CTNNA2: variants seen among roughly 807,000 people sequenced by gnomAD.
The protein encoded by CTNNA2 is catenin alpha 2.
Under a neutral mutation model 101.0 loss-of-function variants are expected in CTNNA2, and 42 were observed. The ratio of observed to expected loss-of-function variants is 0.42; its 90% CI spans 0.32 to 0.54. The LOEUF is 0.54. Among genes scored for constraint, CTNNA2 ranks in the 20% least tolerant of loss-of-function variants. CTNNA2 has a pLI of 0.14. For synonymous variants in CTNNA2, 450 were observed against 456.4 expected (o/e 0.99, Z 0.18); for missense variants, 871 against 1,223.1 (o/e 0.71, Z 4.29).
At chr2:80,249,486 A>G (rs1040333483) in intron 7 of CTNNA2, among the ~76,000 whole-genome samples, 1 of 152,234 alleles carries the variant, frequency 6.6e-6, no homozygotes, top group Non-Finnish European at 1.5e-5. Context: ...GTAACCACTT[A>G]TTGAGCATGT....
intron 7 of CTNNA2, among the ~76,000 whole-genome samples, chr2:80,042,113 C>T (rs187398710): frequency 8.5e-5 from 13 of 152,196 alleles, no homozygotes; most frequent in African/African-American, 2.4e-4. Flanking sequence ...TATAGGCTTG[C>T]GCCACCATGC....
intron 1 of CTNNA2, among the ~76,000 whole-genome samples, chr2:79,527,972 T>C (rs1211589179): frequency 6.6e-6 from 1 of 152,202 alleles, no homozygotes; most frequent in Non-Finnish European, 1.5e-5. Flanking sequence ...AATGGGATAA[T>C]ATTCCACCAT....
chr2:80,248,499 C>T (rs1018014931), intron 7 of CTNNA2, among the ~76,000 whole-genome samples: 15 of 152,176 alleles, frequency 9.9e-5, no homozygotes, highest in African/African-American at 2.9e-4. Context: ...TCTCCAGATT[C>T]GTTGCATTAA....
At chr2:80,084,904 A>G (rs748392624) in intron 7 of CTNNA2, among the ~76,000 whole-genome samples, 25 of 152,264 alleles carry the variant, frequency 1.6e-4, no homozygotes, top group Middle Eastern at 3.4e-3. Context: ...GCACTGAACT[A>G]TGACGAACAA....
rs188463048 is a variant in CTNNA2, at chr2:80,200,495, C to T, written c.1057-192716C>T. On this transcript the variant is annotated intron_variant, in intron 7 of 18. Transcript: ENST00000402739. ...TGTATACATTTGTATTTTATATAAACCTATGCATGGACATATTAAAGTGAG... is the reference window on the plus strand; with the variant it reads ...TGTATACATTTGTATTTTATATAAATCTATGCATGGACATATTAAAGTGAG... Among the ~76,000 whole-genome samples the T allele has an allele frequency of 2.6e-5, 4 of 151,558 alleles. No homozygotes were observed. The East Asian group carries it at 5.8e-4, about 22-fold the overall frequency.
intron 7 of CTNNA2, among the ~76,000 whole-genome samples, chr2:80,203,403 C>T (rs1372265063): frequency 6.6e-6 from 1 of 152,238 alleles, no homozygotes; most frequent in Non-Finnish European, 1.5e-5. Context: ...AGGGTACAGA[C>T]ATTGGGTAAA....
intron 7 of CTNNA2, among the ~76,000 whole-genome samples, chr2:80,292,826 G>A (rs1233714149): frequency 6.6e-6 from 1 of 152,204 alleles, no homozygotes; most frequent in Non-Finnish European, 1.5e-5. Flanking sequence ...GAAGTTAAAA[G>A]CATCTGAGTG....
intron 1 of CTNNA2, chr2:79,633,638 C>T (rs1679836077): frequency 6.6e-6 from 1 of 152,196 alleles, no homozygotes; most frequent in Non-Finnish European, 1.5e-5. Context: ...CTAAATTACA[C>T]TCAAATGTAA....
At chr2:80,375,295 A>G (rs188259251) in intron 7 of CTNNA2, among the ~76,000 whole-genome samples, 94 of 152,100 alleles carry the variant, frequency 6.2e-4, no homozygotes, top group African/African-American at 2.1e-3. Context: ...GGAGGTAGGG[A>G]TTTCTATGGA....
chr2:80,465,435 G>A (rs998752604), intron 9 of CTNNA2, among the ~76,000 whole-genome samples: 3 of 152,102 alleles, frequency 2.0e-5, no homozygotes, highest in African/African-American at 7.2e-5. Flanking sequence ...TGGAAGACTG[G>A]GTGACAACAA....
chr2:79,398,222 A>G lies in CTNNA2; in HGVS notation c.-135+24209A>G, dbSNP rs74954457. ...GGAAATAAGCAGGCCTGTAACTAAA[A>G]ACTAGTCACAATGGGATACGGACGA... On this transcript the variant is annotated intron_variant, in intron 4 of 21. Transcript: ENST00000466387. 2.0e-5 allele frequency among the ~76,000 whole-genome samples: 3 copies of G among 152,246 alleles called. No homozygotes were observed. The East Asian group carries it at 5.8e-4, about 29-fold the overall frequency.
At chr2:79,868,351 C>T (rs577887313) in intron 4 of CTNNA2, among the ~76,000 whole-genome samples, 60 of 152,236 alleles carry the variant, frequency 3.9e-4, no homozygotes, top group African/African-American at 1.3e-3. Context: ...AAATAACTTC[C>T]TTTGCTTGCT....
At chr2:79,577,507 A>T (rs1425619282) in intron 1 of CTNNA2, among the ~76,000 whole-genome samples, 1 of 152,128 alleles carries the variant, frequency 6.6e-6, no homozygotes, top group East Asian at 1.9e-4. Flanking sequence ...GCTATTACAA[A>T]TTATTTCAGG....
At chr2:79,828,742 C>T (rs1678635820) in intron 3 of CTNNA2, among the ~76,000 whole-genome samples, 1 of 152,226 alleles carries the variant, frequency 6.6e-6, no homozygotes, top group East Asian at 1.9e-4. Flanking sequence ...GTTTTCAATG[C>T]ATGCTTCTTC....
intron 3 of CTNNA2, among the ~76,000 whole-genome samples, chr2:79,318,402 T>C (rs1030904996): frequency 1.3e-5 from 2 of 152,196 alleles, no homozygotes; most frequent in Non-Finnish European, 2.9e-5. Flanking sequence ...TGCATTGACT[T>C]GTTCTTACTC....
chr2:79,853,547 A>G (rs772102786), intron 3 of CTNNA2, among the ~76,000 whole-genome samples: 1 of 152,154 alleles, frequency 6.6e-6, no homozygotes, highest in Non-Finnish European at 1.5e-5. Flanking sequence ...CCCCTCCTTC[A>G]AGGAAAGAGC....
At chr2:79,668,338 C>T (rs917542668) in intron 2 of CTNNA2, among the ~76,000 whole-genome samples, 1 of 140,470 alleles carries the variant, frequency 7.1e-6, no homozygotes, top group South Asian at 2.3e-4. Context: ...TCATTTATTT[C>T]TAGCCAGGTG....
At chr2:80,378,356 CAAAAAATAAATAAATAAATA>C (rs1163011118) in intron 7 of CTNNA2, among the ~76,000 whole-genome samples, 1 of 136,320 alleles carries the variant, frequency 7.3e-6, no homozygotes, top group East Asian at 2.2e-4. Context: ...AACTCTGTCT[CAAAAAATAAATAAATAAATA>C]AATAAATAAA....
chr2:79,944,469 T>C (rs1688361010), intron 7 of CTNNA2, among the ~76,000 whole-genome samples: 1 of 152,188 alleles, frequency 6.6e-6, no homozygotes, highest in African/African-American at 2.4e-5. Flanking sequence ...TCCTTTCACT[T>C]ATACCTCAGT....
Sources: allele counts gnomAD v4.1 joint callset (sites outside exome capture counted in the v4.1 genomes callset), GRCh38; gene constraint gnomAD v4.1.1; transcripts MANE v1.5; gene names NCBI Gene and HGNC (gene_info 2026-07-23, HGNC 2026-07-21).